Variants in UNC13C observed in about 807,000 individuals in gnomAD.
The protein encoded by UNC13C is protein unc-13 homolog C.
UNC13C carries 174 observed loss-of-function variants against 245.4 expected under a neutral mutation model. That is an observed-to-expected ratio of 0.71 (90% CI 0.63 to 0.80). UNC13C has a LOEUF of 0.80. Among genes scored for constraint, UNC13C ranks in the 30% least tolerant of loss-of-function variants. UNC13C has a pLI of 0.00. For synonymous variants in UNC13C, 992 were observed against 895.1 expected, an observed-to-expected ratio of 1.11 and a Z score of -1.93; for missense variants, 2,829 against 2,602.9, an observed-to-expected ratio of 1.09 and a Z score of -1.89.
intron 2 of UNC13C, 87 bp downstream of exon 2, chr15:54,015,973 G>C: frequency 8.5e-7 from 1 of 1,179,606 alleles, no homozygotes. Flanking sequence ...TGTTTACTTG[G>C]GTGAAAGAGT....
At chr15:53,921,258 C>T in the UNC13C span, among the ~76,000 whole-genome samples, 1 of 152,156 alleles carries the variant, frequency 6.6e-6, no homozygotes, top group African/African-American at 2.4e-5. Flanking sequence ...GCGAACTTCT[C>T]AGCTACTATA....
At chr15:54,159,848 A>C (rs1361112863) in intron 4 of UNC13C, among the ~76,000 whole-genome samples, 7 of 152,308 alleles carry the variant, frequency 4.6e-5, no homozygotes, top group Middle Eastern at 6.8e-3. Context: ...ACCATTATGC[A>C]GTAGTGCACT....
At chr15:54,413,977 G>C (rs1283568389) in intron 18 of UNC13C, among the ~76,000 whole-genome samples, 1 of 152,014 alleles carries the variant, frequency 6.6e-6, no homozygotes. Flanking sequence ...AAAAAGACTC[G>C]GTCATCATAT....
intron 4 of UNC13C, among the ~76,000 whole-genome samples, chr15:54,229,780 C>T (rs2035497438): frequency 6.6e-6 from 1 of 152,172 alleles, no homozygotes; most frequent in African/African-American, 2.4e-5. Context: ...TCCCTAACCT[C>T]CCCTTCCCTG....
upstream of UNC13C, chr15:53,974,999 C>T (rs1249866101): frequency 1.3e-5 from 2 of 152,174 alleles, no homozygotes; most frequent in South Asian, 2.1e-4. Context: ...AGTTCCTTGC[C>T]ACGTGGACTT....
At chr15:54,414,022 A>G (rs2040468679) in intron 18 of UNC13C, among the ~76,000 whole-genome samples, 1 of 152,204 alleles carries the variant, frequency 6.6e-6, no homozygotes, top group Non-Finnish European at 1.5e-5. Context: ...CCTTATCATG[A>G]GACTGAAAAC....
At chr15:54,132,074 C>CTTTTTTTTTCTTTTTCTTTTTCTTCTT (rs6145565) in intron 2 of UNC13C, among the ~76,000 whole-genome samples, 2 of 110,646 alleles carry the variant, frequency 1.8e-5, no homozygotes, top group Admixed American at 1.8e-4. Context: ...TTTTCTTTTT[C>CTTTTTTTTTCTTTTTCTTTTTCTTCTT]TTTTTTTTTT....
chr15:54,199,438 C>T (rs572949097), intron 4 of UNC13C, among the ~76,000 whole-genome samples: 4 of 152,028 alleles, frequency 2.6e-5, no homozygotes, highest in South Asian at 2.1e-4. Flanking sequence ...AGAGTTGTGA[C>T]GTAAAGCATC....
intron 30 of UNC13C, among the ~76,000 whole-genome samples, chr15:54,597,469 G>T (rs953595758): frequency 4.6e-5 from 7 of 152,150 alleles, no homozygotes; most frequent in African/African-American, 9.7e-5. Flanking sequence ...TTAGCCCAGG[G>T]TCTGTGGTCC....
At chr15:53,999,855 T>C (rs761061020) in intron 1 of UNC13C, among the ~76,000 whole-genome samples, 1 of 152,080 alleles carries the variant, frequency 6.6e-6, no homozygotes, top group African/African-American at 2.4e-5. Context: ...TGTTTATAGA[T>C]ATTTCATTCT....
At chr15:54,537,483 T>A (rs1008196396) in intron 26 of UNC13C, among the ~76,000 whole-genome samples, 9 of 151,534 alleles carry the variant, frequency 5.9e-5, no homozygotes, top group African/African-American at 2.2e-4. Flanking sequence ...AAAAAAAAAA[T>A]TTCAAAATTC....
intron 4 of UNC13C, among the ~76,000 whole-genome samples, chr15:54,183,404 C>G (rs540698612): frequency 6.6e-6 from 1 of 151,052 alleles, no homozygotes; most frequent in East Asian, 1.9e-4. Flanking sequence ...TATTACTTAT[C>G]TAAATAACCA....
chr15:53,892,281 C>T, the UNC13C span, among the ~76,000 whole-genome samples: 1 of 152,156 alleles, frequency 6.6e-6, no homozygotes, highest in Admixed American at 6.5e-5. Context: ...GTGGGTAACC[C>T]AACCTTTTTC....
chr15:54,184,662 C>T (rs1361535058), intron 4 of UNC13C, among the ~76,000 whole-genome samples: 2 of 151,988 alleles, frequency 1.3e-5, no homozygotes, highest in Admixed American at 1.3e-4. Flanking sequence ...TAATCCAGTC[C>T]ATCATCGTTG....
At chr15:53,941,796 T>C in the UNC13C span, among the ~76,000 whole-genome samples, 34,224 of 151,952 alleles carry the variant, frequency 0.23, 4,882 homozygotes, top group Non-Finnish European at 0.31. Flanking sequence ...GGGCCAAATA[T>C]ATGAAAAAAA....
At chr15:54,410,341 A>T (rs774383589) in intron 18 of UNC13C, among the ~76,000 whole-genome samples, 33 of 152,178 alleles carry the variant, frequency 2.2e-4, no homozygotes, top group Non-Finnish European at 4.1e-4. Context: ...CTCTGTTGAT[A>T]GTTTCTTTTG....
chr15:53,955,031 C>T, the UNC13C span, among the ~76,000 whole-genome samples: 6 of 152,278 alleles, frequency 3.9e-5, no homozygotes, highest in Admixed American at 1.3e-4. Context: ...CTACTTATAA[C>T]ATTTTCATGA....
chr15:54,360,963 G>A (rs1313053299), intron 17 of UNC13C, among the ~76,000 whole-genome samples: 2 of 152,020 alleles, frequency 1.3e-5, no homozygotes, highest in Admixed American at 6.6e-5. Context: ...AAATTTGGTT[G>A]GCAATCTCTG....
intron 2 of UNC13C, among the ~76,000 whole-genome samples, chr15:54,105,788 C>T (rs1049996219): frequency 2.0e-5 from 3 of 152,090 alleles, no homozygotes; most frequent in Non-Finnish European, 4.4e-5. Context: ...TGGTTTCAAC[C>T]AGATTTCGTG....
Sources: allele counts gnomAD v4.1 joint callset (sites outside exome capture counted in the v4.1 genomes callset), GRCh38; gene constraint gnomAD v4.1.1; transcripts MANE v1.5; gene names NCBI Gene and HGNC (gene_info 2026-07-23, HGNC 2026-07-21).